FAM178B: variants seen among roughly 807,000 people sequenced by gnomAD.
FAM178B encodes the protein protein FAM178B.
In FAM178B, 82 loss-of-function variants were observed where a neutral mutation model predicts 91.7. That is an observed-to-expected ratio of 0.89 (90% CI 0.75 to 1.07). The LOEUF is 1.07. Among genes scored for constraint, FAM178B ranks in the 50% least tolerant of loss-of-function variants. The probability of loss-of-function intolerance (pLI) is 0.00; values close to 1 mark genes in which losing one functional copy is unlikely to be tolerated. For synonymous variants in FAM178B, 368 were observed against 359.4 expected, an observed-to-expected ratio of 1.02 and a Z score of -0.27; for missense variants, 769 against 846.7, an observed-to-expected ratio of 0.91 and a Z score of 1.14.
At chr2:96,945,340 C>T (rs545885072) in intron 8 of FAM178B, among the ~76,000 whole-genome samples, 8 of 151,340 alleles carry the variant, frequency 5.3e-5, no homozygotes, top group East Asian at 3.9e-4. Flanking sequence ...AGAGCACACC[C>T]GTAATAGTCA....
At chr2:96,903,971 C>T (rs192345684) in intron 12 of FAM178B, among the ~76,000 whole-genome samples, 134 of 152,246 alleles carry the variant, frequency 8.8e-4, no homozygotes, top group African/African-American at 3.1e-3. Flanking sequence ...GCAGCAGCAC[C>T]GCACCCCAGA....
At position 96,897,556 on chromosome 2, in the gene FAM178B, G is replaced by A. The variant is rs546311255; in HGVS notation, c.1651-3505C>T. The stretch of plus-strand genomic sequence containing the variant: ...GTCTTGCCTAGGGTAGGCAAAGGGC[G>A]TCTCCATCCCGCCTGTTGCACTGAC... On this transcript the variant is annotated intron_variant, in intron 13 of 16. Transcript: ENST00000490605. Among the ~76,000 whole-genome samples the A allele has an allele frequency of 5.3e-5, 8 of 152,228 alleles. No homozygotes were observed. In the South Asian group the frequency reaches 8.3e-4, roughly 16 times the overall value.
chr2:96,890,768 C>T (rs1362956735), intron 14 of FAM178B, among the ~76,000 whole-genome samples: 1 of 152,094 alleles, frequency 6.6e-6, no homozygotes, highest in Non-Finnish European at 1.5e-5. Context: ...TACTTAGAGG[C>T]CAACTCTAAG....
At chr2:96,960,215 T>G in intron 6 of FAM178B, 73 bp downstream of exon 6, 1 of 1,504,694 alleles carries the variant, frequency 6.6e-7, no homozygotes, top group Non-Finnish European at 8.9e-7. Context: ...GGGTGGCCCT[T>G]ATCCCTGGAC....
intron 7 of FAM178B, among the ~76,000 whole-genome samples, chr2:96,948,458 T>C (rs1295721079): frequency 6.6e-6 from 1 of 152,172 alleles, no homozygotes; most frequent in African/African-American, 2.4e-5. Context: ...CTGGGATCCT[T>C]ATCTGAATGC....
intron 13 of FAM178B, chr2:96,895,148 A>C: frequency 1.6e-6 from 2 of 1,282,624 alleles, no homozygotes; most frequent in Admixed American, 4.7e-5. Flanking sequence ...TTTTCCTTCC[A>C]GGGGATTTTA....
Position 96,877,960 on chromosome 2 carries a change from G to A in FAM178B, c.1937C>T (p.Thr646Ile), listed in dbSNP as rs2080286758. ...IRESPQAMHRTMLKDLATQTY... is the reference protein window; with the variant it reads ...IRESPQAMHRIMLKDLATQTY... ...CTGGGTAGCCAGGTCCTTGAGCATGGTGCGGTGCATGGCCTGGGGGCTCTC... is the reference window on the plus strand; with the variant it reads ...CTGGGTAGCCAGGTCCTTGAGCATGATGCGGTGCATGGCCTGGGGGCTCTC... The change falls in exon 16 of 17, where the codon ACC becomes ATC. Residue 646 changes from threonine (T) to isoleucine (I), a missense_variant. Physicochemically the swap from Thr to Ile is moderately conservative, Grantham distance 89. Coordinates refer to ENST00000490605, the MANE Select transcript of FAM178B (RefSeq NM_001122646.3). 1.9e-6 allele frequency: 3 copies of A among 1,613,862 alleles called. No homozygotes were observed. The highest frequency in any genetic ancestry group is 4.5e-5 in the East Asian group (2 of 44,884).
At chr2:96,960,538 CT>C in intron 5 of FAM178B, 98 bp from the exon 6 acceptor site, 1 of 1,378,762 alleles carries the variant, frequency 7.3e-7, no homozygotes, top group Non-Finnish European at 9.7e-7. Context: ...GGGCCACGGG[CT>C]CCCTGCCTTG....
intron 6 of FAM178B, 82 bp downstream of exon 6, chr2:96,960,206 G>C: frequency 6.8e-7 from 1 of 1,467,368 alleles, no homozygotes; most frequent in South Asian, 1.3e-5. Flanking sequence ...CCCCCTTTGG[G>C]GTGGCCCTTA....
intron 13 of FAM178B, among the ~76,000 whole-genome samples, chr2:96,902,230 C>A (rs1252842979): frequency 6.6e-6 from 1 of 152,062 alleles, no homozygotes; most frequent in African/African-American, 2.4e-5. Context: ...CTCAGCCTCC[C>A]GAGTAGCTGG....
intron 13 of FAM178B, among the ~76,000 whole-genome samples, chr2:96,896,883 T>C (rs1476877165): frequency 1.3e-5 from 2 of 152,120 alleles, no homozygotes; most frequent in Non-Finnish European, 2.9e-5. Context: ...TATCTATCTA[T>C]CTAAACAGAA....
intron 12 of FAM178B, among the ~76,000 whole-genome samples, chr2:96,909,327 C>A (rs192354218): frequency 2.0e-5 from 3 of 152,134 alleles, no homozygotes; most frequent in South Asian, 2.1e-4. Flanking sequence ...CAAAGGAAAT[C>A]GTTCCCATAT....
At chr2:96,893,108 T>C (rs1169327324) in intron 14 of FAM178B, among the ~76,000 whole-genome samples, 1 of 152,212 alleles carries the variant, frequency 6.6e-6, no homozygotes, top group African/African-American at 2.4e-5. Context: ...GTTGGACTTC[T>C]GTATCAACAT....
At chr2:96,903,182 G>A (rs139507314) in intron 12 of FAM178B, among the ~76,000 whole-genome samples, 5,365 of 152,264 alleles carry the variant, frequency 0.035, 311 homozygotes, top group African/African-American at 0.12. Context: ...TGGGACTACA[G>A]GCGCCCGCCA....
chr2:96,935,994 T>TTAA lies in FAM178B; in HGVS notation c.1079-6677_1079-6675dup, dbSNP rs1237343828. 4.6e-5 allele frequency among the ~76,000 whole-genome samples: 7 copies of TTAA among 152,058 alleles called. No individual in the cohort carries two copies. The East Asian group carries it at 1.4e-3, about 29-fold the overall frequency. On this transcript the variant is annotated intron_variant, in intron 8 of 16. Coordinates refer to ENST00000490605, the MANE Select transcript of FAM178B (RefSeq NM_001122646.3). ...CCCTAATTTAGGCTATGGACTTCAG[T>TTAA]TAATAATGTATTGATATTGTAACAA...
In FAM178B at chr2:96,899,506, C is replaced by G. The variant is rs527347942; in HGVS notation, c.1650+3114G>C. ...TGCAAGACCCTGGCCCCTGGGGAGC[C>G]TGGGAGACCTGCCTGGCCAGGATCT... On this transcript the variant is annotated intron_variant, in intron 13 of 16. Coordinates refer to ENST00000490605, the MANE Select transcript of FAM178B (RefSeq NM_001122646.3). Among the ~76,000 whole-genome samples, 5 of 152,018 alleles carry G rather than the reference C, an allele frequency of 3.3e-5. No homozygotes were observed. In the East Asian group the frequency reaches 9.7e-4, roughly 30 times the overall value.
In FAM178B at chr2:96,906,656, C is replaced by T. The variant is rs763373206; in HGVS notation, c.1563-3949G>A. Reference sequence around the variant, plus strand: ...ACAGAAGCCCCTTATCCCCTCTCTACGGCCCCTACAACAGACCCCCGTGGG... The same window carrying T: ...ACAGAAGCCCCTTATCCCCTCTCTATGGCCCCTACAACAGACCCCCGTGGG... On this transcript the variant is annotated intron_variant, in intron 12 of 16. Transcript: ENST00000490605. Among the ~76,000 whole-genome samples, 7 of 152,312 alleles carry T rather than the reference C, an allele frequency of 4.6e-5. No individual in the cohort carries two copies. The East Asian group carries it at 1.4e-3, about 29-fold the overall frequency.
At chr2:96,924,351 C>T (rs970831469) in intron 9 of FAM178B, among the ~76,000 whole-genome samples, 2 of 152,186 alleles carry the variant, frequency 1.3e-5, no homozygotes, top group Non-Finnish European at 2.9e-5. Flanking sequence ...CAAAACATCC[C>T]TGAAAACCCC....
chr2:96,905,066 C>T (rs1371634397), intron 12 of FAM178B, among the ~76,000 whole-genome samples: 1 of 135,718 alleles, frequency 7.4e-6, no homozygotes, highest in Non-Finnish European at 1.6e-5. Flanking sequence ...AAAAAAAATG[C>T]AAATGGCAAA....
Sources: allele counts gnomAD v4.1 joint callset (sites outside exome capture counted in the v4.1 genomes callset), GRCh38; gene constraint gnomAD v4.1.1; transcripts MANE v1.5; gene names NCBI Gene and HGNC (gene_info 2026-07-23, HGNC 2026-07-21).